DNM3: variants seen among roughly 807,000 people sequenced by gnomAD.
DNM3 encodes the protein dynamin-3.
Under a neutral mutation model 101.6 loss-of-function variants are expected in DNM3, and 47 were observed. That is an observed-to-expected ratio of 0.46 (90% CI 0.37 to 0.59). The LOEUF is 0.59. Among genes scored for constraint, DNM3 ranks in the 20% least tolerant of loss-of-function variants. The pLI is 0.00. For synonymous variants in DNM3, 385 were observed against 387.9 expected (o/e 0.99, Z 0.09); for missense variants, 849 against 1,085.7 (o/e 0.78, Z 3.06).
chr1:172,111,141 A>G (rs1262066384), intron 13 of DNM3, among the ~76,000 whole-genome samples: 1 of 152,250 alleles, frequency 6.6e-6, no homozygotes, highest in Non-Finnish European at 1.5e-5. Context: ...TAACAATTAG[A>G]GCAAACCACT....
rs748707136 is a variant in DNM3 at position 172,387,162 on chromosome 1, A to G, written c.2088A>G (p.Leu696=). ...AAGATTTCATAAATTCCGAGCTCCT[A>G]GCACAGTTGTATTCTTCAGAGGACC... is the stretch of plus-strand genomic sequence containing the variant. The part of the protein sequence containing the change: ...NVKDFINSEL[L]AQLYSSEDQN... Residue 696 remains leucine (L), a synonymous_variant, in exon 19 of 21, where the codon CTA becomes CTG. Transcript: ENST00000627582. The G allele has an allele frequency of 1.2e-6, 2 of 1,613,922 alleles. No individual in the cohort carries two copies. The highest frequency in any genetic ancestry group is 3.3e-5 in the Admixed American group (2 of 60,024).
In DNM3 at chr1:172,131,236, G is replaced by T; in HGVS notation, c.1607G>T (p.Gly536Val). ...GGCATCATGAAAGGCGGCTCGAAGG[G>T]ATACTGGTTCGTCCTTACTGCGGAA... ...NIGIMKGGSK[G>V]YWFVLTAESL... Residue 536 changes from glycine (G) to valine (V), a missense_variant, in exon 14 of 21, where the codon GGA becomes GTA. Around this residue, in one of 5 missense-constraint regions of DNM3, gnomAD observed 193 missense variants for 238.4 expected, o/e 0.81. Transcript: ENST00000627582. 1 of 1,613,388 alleles carries T rather than the reference G, an allele frequency of 6.2e-7. No homozygotes were observed. The highest frequency in any genetic ancestry group is 8.5e-7 in the Non-Finnish European group (1 of 1,179,578).
chr1:172,139,052 A>T (rs1008059373), intron 14 of DNM3: 1 of 368,710 alleles, frequency 2.7e-6, no homozygotes, highest in Non-Finnish European at 5.4e-6. Context: ...AAAACAAGTT[A>T]GACTTTTGAC....
chr1:171,932,561 A>G (rs115144037), intron 2 of DNM3, among the ~76,000 whole-genome samples: 2,943 of 152,130 alleles, frequency 0.019, 42 homozygotes, highest in Admixed American at 0.028. Flanking sequence ...TATAGTGTTC[A>G]TGCTTTTCTA....
chr1:171,917,914 C>G (rs1165489182), intron 1 of DNM3, among the ~76,000 whole-genome samples: 1 of 152,036 alleles, frequency 6.6e-6, no homozygotes. Context: ...CGGGAGAAAA[C>G]CTATTGCACA....
At chr1:172,134,393 GATC>G (rs1381377705) in intron 14 of DNM3, among the ~76,000 whole-genome samples, 2 of 152,100 alleles carry the variant, frequency 1.3e-5, no homozygotes, top group African/African-American at 4.8e-5. Flanking sequence ...TAATGAGGAG[GATC>G]ATCACCATAA....
intron 13 of DNM3, among the ~76,000 whole-genome samples, chr1:172,119,453 AT>A (rs1336616353): frequency 1.3e-5 from 2 of 151,530 alleles, no homozygotes; most frequent in Non-Finnish European, 2.9e-5. Flanking sequence ...ATTCTCTTTC[AT>A]TCATTTTTGT....
intron 1 of DNM3, among the ~76,000 whole-genome samples, chr1:171,896,652 C>G (rs1273965092): frequency 1.3e-5 from 2 of 152,152 alleles, no homozygotes; most frequent in African/African-American, 2.4e-5. Context: ...CTTTCTCTTG[C>G]CTGATAGCCC....
At chr1:172,135,812 A>T (rs1049825639) in intron 14 of DNM3, among the ~76,000 whole-genome samples, 4 of 152,076 alleles carry the variant, frequency 2.6e-5, no homozygotes, top group Non-Finnish European at 5.9e-5. Flanking sequence ...TTTTAGGAGA[A>T]TGGGAGACCC....
At chr1:172,398,704 A>C (rs980123904) in intron 20 of DNM3, among the ~76,000 whole-genome samples, 3 of 152,176 alleles carry the variant, frequency 2.0e-5, no homozygotes, top group African/African-American at 7.2e-5. Context: ...CTAAAAGCAT[A>C]TTTTGTGAAC....
chr1:172,137,834 CA>C (rs2057329838), intron 14 of DNM3: 1 of 152,130 alleles, frequency 6.6e-6, no homozygotes, highest in African/African-American at 2.4e-5. Context: ...TATTCATAGA[CA>C]AAAGCCATCC....
intron 17 of DNM3, among the ~76,000 whole-genome samples, chr1:172,339,402 C>T (rs568030546): frequency 6.6e-6 from 1 of 152,346 alleles, no homozygotes; most frequent in African/African-American, 2.4e-5. Context: ...CTCTGTCAAA[C>T]ACCTTTGCCC....
At chr1:172,179,968 G>A (rs651032) in intron 14 of DNM3, among the ~76,000 whole-genome samples, 76,277 of 151,846 alleles carry the variant, frequency 0.5, 21,224 homozygotes, top group African/African-American at 0.75. Context: ...ATTAGCTTCA[G>A]TAAAGCCTAA....
At chr1:172,023,058 G>A (rs1007445748) in intron 4 of DNM3, among the ~76,000 whole-genome samples, 3 of 152,014 alleles carry the variant, frequency 2.0e-5, no homozygotes, top group African/African-American at 7.2e-5. Flanking sequence ...TATCACTAAC[G>A]TATTCCCAAT....
chr1:172,159,318 A>C (rs746246805), intron 14 of DNM3, among the ~76,000 whole-genome samples: 1 of 151,986 alleles, frequency 6.6e-6, no homozygotes, highest in Non-Finnish European at 1.5e-5. Context: ...CTTCAGAAAA[A>C]GCATTTTTAC....
At chr1:172,203,202 A>G (rs761552343) in intron 14 of DNM3, among the ~76,000 whole-genome samples, 6 of 152,142 alleles carry the variant, frequency 3.9e-5, no homozygotes, top group Non-Finnish European at 7.4e-5. Flanking sequence ...GCTAACTGCT[A>G]TTGTTTAATT....
intron 17 of DNM3, among the ~76,000 whole-genome samples, chr1:172,326,147 A>G (rs2065928950): frequency 6.6e-6 from 1 of 152,222 alleles, no homozygotes; most frequent in South Asian, 2.1e-4. Context: ...GGAACAAAAC[A>G]TCAAGGTTCA....
intron 15 of DNM3, among the ~76,000 whole-genome samples, chr1:172,282,645 G>C (rs1457365846): frequency 6.6e-6 from 1 of 152,132 alleles, no homozygotes; most frequent in African/African-American, 2.4e-5. Context: ...TTCCAGATGG[G>C]ATATCTCTGT....
intron 17 of DNM3, among the ~76,000 whole-genome samples, chr1:172,365,942 T>C (rs940558137): frequency 1.3e-5 from 2 of 151,990 alleles, no homozygotes; most frequent in African/African-American, 4.8e-5. Context: ...CATTCAGACA[T>C]GCTAGTGCCA....
Sources: allele counts gnomAD v4.1 joint callset (sites outside exome capture counted in the v4.1 genomes callset), GRCh38; gene constraint gnomAD v4.1.1; regional missense constraint gnomAD v4.1.1; transcripts MANE v1.5; gene names NCBI Gene and HGNC (gene_info 2026-07-23, HGNC 2026-07-21).